Variants in MAPK10 observed in about 807,000 individuals in gnomAD.
MAPK10 encodes the protein mitogen-activated protein kinase 10, also known as JNK3 alpha protein kinase.
Under a neutral mutation model 59.3 loss-of-function variants are expected in MAPK10, and 25 were observed. That is an observed-to-expected ratio of 0.42 (90% CI 0.31 to 0.59). The LOEUF (loss-of-function observed/expected upper bound fraction) is 0.59, where lower values mean the gene tolerates loss of function less well. Ranked by LOEUF, MAPK10 falls within the 20% of genes least tolerant of loss-of-function variation. MAPK10 has a pLI of 0.15. For missense variants in MAPK10, 351 were observed against 568.9 expected, an observed-to-expected ratio of 0.62 and a Z score of 3.90; for synonymous variants, 190 against 200.5, an observed-to-expected ratio of 0.95 and a Z score of 0.44.
rs1741382676 is a variant in MAPK10, at chr4:86,010,897, C to T, written c.*6331G>A. On this transcript the variant is annotated 3_prime_UTR_variant, in exon 14 of 14. Transcript: ENST00000641462. ...ATGATCTGGACTGTTGGTTAAACAT[C>T]GCAGACAAGATCAGGTGAAGAACAT... is the stretch of plus-strand genomic sequence containing the variant. The T allele has an allele frequency of 6.6e-6, 1 of 152,046 alleles. No individual in the cohort carries two copies. The highest frequency in any genetic ancestry group is 1.9e-4 in the East Asian group (1 of 5,194). 9.4% of individuals were successfully genotyped at this position (152,046 alleles called of 1,614,324 possible).
At chr4:86,089,543 A>C in intron 9 of MAPK10, 1 of 322,900 alleles carries the variant, frequency 3.1e-6, no homozygotes, top group Non-Finnish European at 5.6e-6. Flanking sequence ...TTATAACTCA[A>C]TGATTAATTT....
chr4:86,247,550 C>T (rs1050035374), intron 2 of MAPK10, among the ~76,000 whole-genome samples: 1 of 152,168 alleles, frequency 6.6e-6, no homozygotes, highest in Non-Finnish European at 1.5e-5. Context: ...ACAGCCCCTA[C>T]TCTCATAGAA....
rs542044514 is a variant in MAPK10 at position 86,451,363 on chromosome 4, A to G, written c.-122+1667T>C. On this transcript the variant is annotated intron_variant, in intron 1 of 13. Transcript: ENST00000361569. ...AAAATATATATTCTGGTGATGAGGTAGAGAGGTAAAGGAGACCTTCACCAA... is the reference window on the plus strand; with the variant it reads ...AAAATATATATTCTGGTGATGAGGTGGAGAGGTAAAGGAGACCTTCACCAA... Among the ~76,000 whole-genome samples the G allele has an allele frequency of 3.3e-5, 5 of 152,340 alleles. No individual in the cohort carries two copies. In the South Asian group the frequency reaches 1.0e-3, roughly 32 times the overall value.
At chr4:86,327,237 A>G (rs2096046833) in intron 2 of MAPK10, 1 of 152,048 alleles carries the variant, frequency 6.6e-6, no homozygotes, top group Admixed American at 6.6e-5. Flanking sequence ...ACCCTCCCAA[A>G]GTGCCGGGAT....
chr4:86,168,610 T>C (rs867925626), intron 3 of MAPK10, among the ~76,000 whole-genome samples: 1 of 152,208 alleles, frequency 6.6e-6, no homozygotes, highest in African/African-American at 2.4e-5. Flanking sequence ...TGCCTGCCTC[T>C]GTAGGCTCCA....
At chr4:86,147,932 A>G (rs1285514499) in intron 4 of MAPK10, among the ~76,000 whole-genome samples, 2 of 152,142 alleles carry the variant, frequency 1.3e-5, no homozygotes, top group Non-Finnish European at 2.9e-5. Context: ...TTGATGTATT[A>G]CTCCTGAAAT....
intron 9 of MAPK10, among the ~76,000 whole-genome samples, chr4:86,072,613 A>T: frequency 1.1e-5 from 1 of 87,894 alleles, no homozygotes; most frequent in Non-Finnish European, 2.2e-5. Context: ...GGGTTGTTGA[A>T]TTTTGTCAAA....
In MAPK10 at chr4:86,262,888, A is replaced by C. The variant is rs1283376516; in HGVS notation, c.-6-68481T>G. ...CTTTTCTCCAGTCTACTCTGTGTCC[A>C]GGAGGCTGGGCAGCATGGAACTTAT... On this transcript the variant is annotated intron_variant, in intron 2 of 13. Coordinates refer to ENST00000641462, the MANE Select transcript of MAPK10 (RefSeq NM_138982.4). Among the ~76,000 whole-genome samples the C allele has an allele frequency of 2.0e-5, 3 of 152,170 alleles. No individual in the cohort carries two copies. In the East Asian group the frequency reaches 5.8e-4, roughly 29 times the overall value.
chr4:86,049,463 G>A (rs2043114242), intron 11 of MAPK10, among the ~76,000 whole-genome samples: 1 of 151,712 alleles, frequency 6.6e-6, no homozygotes, highest in African/African-American at 2.4e-5. Context: ...ATTACTCCAA[G>A]GAGTAATTTT....
intron 4 of MAPK10, among the ~76,000 whole-genome samples, chr4:86,109,078 C>T (rs1191086117): frequency 1.3e-5 from 2 of 152,108 alleles, no homozygotes; most frequent in Non-Finnish European, 2.9e-5. Flanking sequence ...TAGAGTGTTA[C>T]TGAAGATTAG....
At chr4:86,222,282 C>T (rs6810839) in intron 2 of MAPK10, among the ~76,000 whole-genome samples, 12,929 of 152,162 alleles carry the variant, frequency 0.085, 1,218 homozygotes, top group African/African-American at 0.23. Context: ...TGATGCTATA[C>T]AACACTCAAA....
At chr4:86,394,843 A>G (rs1253769677) in intron 1 of MAPK10, among the ~76,000 whole-genome samples, 1 of 152,190 alleles carries the variant, frequency 6.6e-6, no homozygotes, top group Non-Finnish European at 1.5e-5. Context: ...ATGCTCGGGG[A>G]TAATGGATGA....
chr4:86,393,230 A>G (rs1176141270), intron 1 of MAPK10, among the ~76,000 whole-genome samples: 2 of 152,236 alleles, frequency 1.3e-5, no homozygotes, highest in Admixed American at 1.3e-4. Context: ...TAAGATGCAT[A>G]TCCAGTATAG....
intron 2 of MAPK10, among the ~76,000 whole-genome samples, chr4:86,303,054 C>A (rs1584353781): frequency 6.6e-6 from 1 of 152,122 alleles, no homozygotes; most frequent in African/African-American, 2.4e-5. Flanking sequence ...ATCATTATTA[C>A]CCCTAAATTA....
At chr4:86,532,008 G>A (rs1030126259) in intron 1 of MAPK10, among the ~76,000 whole-genome samples, 6 of 150,888 alleles carry the variant, frequency 4.0e-5, no homozygotes, top group Admixed American at 6.6e-5. Flanking sequence ...GGACAACATA[G>A]TGAGACCTCT....
At chr4:86,235,610 T>G (rs752554488) in intron 2 of MAPK10, among the ~76,000 whole-genome samples, 1 of 152,166 alleles carries the variant, frequency 6.6e-6, no homozygotes. Context: ...ACTGAACACC[T>G]CCTACTTGCC....
chr4:86,586,389 C>T (rs897985036), intron 1 of MAPK10, among the ~76,000 whole-genome samples: 1 of 152,160 alleles, frequency 6.6e-6, no homozygotes, highest in African/African-American at 2.4e-5. Context: ...ACCTCTCCCC[C>T]ACCAAATTCC....
chr4:86,423,557 A>T (rs1746807124), intron 1 of MAPK10, among the ~76,000 whole-genome samples: 1 of 152,002 alleles, frequency 6.6e-6, no homozygotes, highest in Non-Finnish European at 1.5e-5. Flanking sequence ...TAAGTTACAG[A>T]AGAAAGTGTA....
intron 2 of MAPK10, among the ~76,000 whole-genome samples, chr4:86,252,221 G>T (rs2093478587): frequency 1.6e-5 from 2 of 126,158 alleles, no homozygotes; most frequent in South Asian, 4.6e-4. Context: ...CATTGCTTTT[G>T]GTGTTTTGGA....
Sources: gnomAD v4.1 joint callset for allele counts (sites outside exome capture counted in the v4.1 genomes callset) on GRCh38, gnomAD v4.1.1 for gene constraint, MANE v1.5 for transcripts, NCBI Gene and HGNC (gene_info 2026-07-23, HGNC 2026-07-21) for gene names.